Variants in EBF1 observed in about 807,000 individuals in gnomAD.
EBF1 encodes the protein transcription factor COE1.
In EBF1, 10 loss-of-function variants were observed where a neutral mutation model predicts 68.4. The observed-to-expected ratio is 0.15, with a 90% CI of 0.09 to 0.25. The LOEUF (loss-of-function observed/expected upper bound fraction) is 0.25, where lower values mean the gene tolerates loss of function less well. Ranked by LOEUF, EBF1 falls within the 10% of genes least tolerant of loss-of-function variation. The probability of loss-of-function intolerance (pLI) is 1.00; values close to 1 mark genes in which losing one functional copy is unlikely to be tolerated. For missense variants in EBF1, 509 were observed against 794.4 expected (o/e 0.64, Z 4.32); for synonymous variants, 298 against 299.8 (o/e 0.99, Z 0.06).
At chr5:158,941,401 T>C (rs1813343889) in intron 6 of EBF1, among the ~76,000 whole-genome samples, 1 of 152,192 alleles carries the variant, frequency 6.6e-6, no homozygotes, top group Admixed American at 6.5e-5. Context: ...CTAATAACAC[T>C]GCAAGTTTCG....
rs1562018092 is a variant in EBF1, at chr5:159,099,277, TGC to T, written c.134+66_134+67del. Reference sequence around the variant, plus strand: ...CCGCGGCAGCAGCTGCCGCTGCCGCTGCCGCCTCCGCCTCCCGGCTCTCCCGC... The same window carrying T: ...CCGCGGCAGCAGCTGCCGCTGCCGCTCGCCTCCGCCTCCCGGCTCTCCCGC... On this transcript the variant is annotated intron_variant, in intron 1 of 15. Transcript: ENST00000313708. 17 of 771,772 alleles carry T rather than the reference TGC, an allele frequency of 2.2e-5. No homozygotes were observed. In the African/African-American group the frequency reaches 2.8e-4, roughly 13 times the overall value. The allele number at this position is 771,772 out of a possible 1,614,324, so 47.8% of individuals were successfully genotyped here.
intron 6 of EBF1, among the ~76,000 whole-genome samples, chr5:158,912,870 T>A (rs988350986): frequency 6.6e-6 from 1 of 152,218 alleles, no homozygotes; most frequent in African/African-American, 2.4e-5. Flanking sequence ...CTAGTAGTTA[T>A]TCTTGCAGGT....
At chr5:158,805,351 T>A (rs915516662) in intron 8 of EBF1, among the ~76,000 whole-genome samples, 2 of 152,122 alleles carry the variant, frequency 1.3e-5, no homozygotes, top group Non-Finnish European at 2.9e-5. Flanking sequence ...CTTGAATGTG[T>A]GTGCCGGATT....
intron 2 of EBF1, 139 bp downstream of exon 2, chr5:159,096,835 G>A: frequency 1.7e-6 from 2 of 1,144,920 alleles, no homozygotes; most frequent in Non-Finnish European, 2.4e-6. Context: ...CGTCTGGGAT[G>A]GGAAGTGGCT....
At chr5:158,822,910 T>C (rs551253972) in intron 8 of EBF1, among the ~76,000 whole-genome samples, 5 of 152,290 alleles carry the variant, frequency 3.3e-5, no homozygotes, top group Admixed American at 1.3e-4. Flanking sequence ...CAGGCCTCCT[T>C]CTTTCTCTCA....
intron 9 of EBF1, among the ~76,000 whole-genome samples, chr5:158,787,296 T>G (rs887024112): frequency 2.0e-5 from 3 of 152,178 alleles, no homozygotes; most frequent in African/African-American, 7.2e-5. Context: ...TTTTTCGGCT[T>G]TCCATTTCTT....
At chr5:159,052,247 T>G (rs2127823965) in intron 6 of EBF1, among the ~76,000 whole-genome samples, 1 of 151,874 alleles carries the variant, frequency 6.6e-6, no homozygotes, top group East Asian at 1.9e-4. Context: ...GGTATATGTG[T>G]ATTGCTTAGC....
At chr5:158,998,266 C>T (rs767751962) in intron 6 of EBF1, among the ~76,000 whole-genome samples, 3 of 152,174 alleles carry the variant, frequency 2.0e-5, no homozygotes, top group Non-Finnish European at 2.9e-5. Context: ...ATGAACTAAA[C>T]CCAATCTGTC....
At chr5:158,836,875 G>A (rs1046726573) in intron 7 of EBF1, among the ~76,000 whole-genome samples, 2 of 152,144 alleles carry the variant, frequency 1.3e-5, no homozygotes, top group Non-Finnish European at 2.9e-5. Context: ...ACTCTATGGT[G>A]GCCAAGGTAG....
At chr5:158,739,236 C>T (rs1765804071) in intron 10 of EBF1, among the ~76,000 whole-genome samples, 1 of 152,220 alleles carries the variant, frequency 6.6e-6, no homozygotes, top group South Asian at 2.1e-4. Flanking sequence ...TGGAGCATCT[C>T]TTCATGAACA....
chr5:158,903,205 C>T (rs1166794954), intron 6 of EBF1, among the ~76,000 whole-genome samples: 1 of 152,218 alleles, frequency 6.6e-6, no homozygotes, highest in Non-Finnish European at 1.5e-5. Flanking sequence ...AGCTCCCCTT[C>T]CCCGGGTCAG....
At chr5:158,806,640 G>A (rs1781639920) in intron 8 of EBF1, among the ~76,000 whole-genome samples, 1 of 152,140 alleles carries the variant, frequency 6.6e-6, no homozygotes, top group Admixed American at 6.6e-5. Flanking sequence ...TCCTATTTAA[G>A]CTTAAGATGA....
intron 4 of EBF1, among the ~76,000 whole-genome samples, chr5:159,088,349 A>T (rs183932735): frequency 1.1e-3 from 173 of 152,234 alleles, no homozygotes; most frequent in South Asian, 5.8e-3. Flanking sequence ...TGCACACCCA[A>T]CTGATAGCCC....
intron 6 of EBF1, among the ~76,000 whole-genome samples, chr5:159,041,292 T>C (rs1361150178): frequency 1.3e-5 from 2 of 152,214 alleles, no homozygotes; most frequent in Admixed American, 6.5e-5. Flanking sequence ...CTGTGTCATA[T>C]ACATACCTAC....
intron 6 of EBF1, among the ~76,000 whole-genome samples, chr5:158,841,872 G>T (rs948752607): frequency 6.6e-6 from 1 of 152,090 alleles, no homozygotes; most frequent in Non-Finnish European, 1.5e-5. Context: ...TGCAAACATC[G>T]TCCTAAAATG....
At chr5:158,971,405 G>T (rs1755623301) in intron 6 of EBF1, among the ~76,000 whole-genome samples, 1 of 152,158 alleles carries the variant, frequency 6.6e-6, no homozygotes, top group Non-Finnish European at 1.5e-5. Flanking sequence ...AGCAAATGGG[G>T]ACTTTAAACA....
At chr5:158,791,419 C>T (rs913555892) in intron 9 of EBF1, among the ~76,000 whole-genome samples, 5 of 151,724 alleles carry the variant, frequency 3.3e-5, no homozygotes, top group East Asian at 1.9e-4. Flanking sequence ...TGAGGTCCAG[C>T]GACCAACAAT....
intron 6 of EBF1, among the ~76,000 whole-genome samples, chr5:159,037,725 G>A (rs967188361): frequency 4.7e-5 from 7 of 149,532 alleles, no homozygotes; most frequent in Admixed American, 4.0e-4. Flanking sequence ...GTTAGTGGGT[G>A]CAGCACACCA....
intron 6 of EBF1, among the ~76,000 whole-genome samples, chr5:158,848,931 A>G (rs917827098): frequency 6.6e-6 from 1 of 152,180 alleles, no homozygotes; most frequent in Non-Finnish European, 1.5e-5. Flanking sequence ...ATGATTCAAG[A>G]CTTCAAAAAG....
Sources: gnomAD v4.1 joint callset for allele counts (sites outside exome capture counted in the v4.1 genomes callset) on GRCh38, gnomAD v4.1.1 for gene constraint, MANE v1.5 for transcripts, NCBI Gene and HGNC (gene_info 2026-07-23, HGNC 2026-07-21) for gene names.